The following ADRB1 variants were observed in gnomAD, a reference collection of about 807,000 sequenced individuals.
The protein encoded by ADRB1 is adrenoceptor beta 1.
For synonymous variants in ADRB1, 365 were observed against 347.2 expected (o/e 1.05, Z -0.57); for missense variants, 635 against 709.1 (o/e 0.90, Z 1.19).
chr10:114,045,039 A>G lies in ADRB1; in HGVS notation c.907A>G (p.Asn303Asp). The G allele has an allele frequency of 3.2e-6, 4 of 1,250,110 alleles. No homozygotes were observed. The highest frequency in any genetic ancestry group is 4.1e-6 in the Non-Finnish European group (4 of 986,094). 77.4% of individuals were successfully genotyped at this position (1,250,110 alleles called of 1,614,324 possible). A position where few individuals can be genotyped will look rare whatever the true frequency, so the allele number is the denominator to read the frequency against. The change falls in exon 1 of 1, where the codon AAC becomes GAC. Residue 303 changes from asparagine to aspartate, a missense_variant. By Grantham distance (23) the Asn-to-Asp change is conservative (BLOSUM62 1). Coordinates refer to ENST00000369295, the MANE Select transcript of ADRB1 (RefSeq NM_000684.3). The stretch of plus-strand genomic sequence containing the variant: ...CGCCGCCGCCACCGCCCCGCTGGCC[A>G]ACGGGCGTGCGGGTAAGCGGCGGCC... ...AAAAATAPLA[N>D]GRAGKRRPSR... is the part of the protein sequence containing the mutation.
rs1450844244 is a variant in ADRB1 at position 114,046,804 on chromosome 10, T to G, written c.*1238T>G. 4 of 167,186 alleles carry G rather than the reference T, an allele frequency of 2.4e-5. No individual in the cohort carries two copies. Among genetic ancestry groups the G allele is most frequent in the South Asian group, 2.1e-4 (1 of 4,830 alleles). The allele number at this position is 167,186 out of a possible 1,614,324, so 10.4% of individuals were successfully genotyped here. A position where few individuals can be genotyped will look rare whatever the true frequency, so the allele number is the denominator to read the frequency against. ...TGAAAGTTAGCACTTGTGTGTAAATTCTACTTCCTCTTGTGTGTTTTACCA... is the reference window on the plus strand; with the variant it reads ...TGAAAGTTAGCACTTGTGTGTAAATGCTACTTCCTCTTGTGTGTTTTACCA... On this transcript the variant is annotated 3_prime_UTR_variant, in exon 1 of 1. Transcript: ENST00000369295.
Position 114,045,155 on chromosome 10 carries a change from C to T in ADRB1, c.1023C>T (p.Phe341=). 6.3e-7 allele frequency: 1 copy of T among 1,597,186 alleles called. No homozygotes were observed. Among genetic ancestry groups the T allele is most frequent in the Non-Finnish European group, 8.5e-7 (1 of 1,172,160 alleles). ...TCACGCTCTGCTGGCTGCCCTTCTT[C>T]CTGGCCAACGTGGTGAAGGCCTTCC... The part of the protein sequence containing the change: ...GVFTLCWLPF[F]LANVVKAFHR... The change falls in exon 1 of 1, where the codon TTC becomes TTT. Residue 341 remains phenylalanine (F), a synonymous_variant. Transcript: ENST00000369295.
Position 114,045,340 on chromosome 10 carries a change from C to A in ADRB1, c.1208C>A (p.Ala403Glu). The A allele has an allele frequency of 6.6e-7, 1 of 1,509,810 alleles. No homozygotes were observed. The highest frequency in any genetic ancestry group is 8.9e-7 in the Non-Finnish European group (1 of 1,123,888). The allele number at this position is 1,509,810 out of a possible 1,614,324, so 93.5% of individuals were successfully genotyped here. A position where few individuals can be genotyped will look rare whatever the true frequency, so the allele number is the denominator to read the frequency against. ...CGCAGGGCTGCCCGCCGGCGCCACGCGACCCACGGAGACCGGCCGCGCGCC... is the reference window on the plus strand; with the variant it reads ...CGCAGGGCTGCCCGCCGGCGCCACGAGACCCACGGAGACCGGCCGCGCGCC... Reference protein sequence around the residue: ...CARRAARRRHATHGDRPRASG... With the variant: ...CARRAARRRHETHGDRPRASG... The change falls in exon 1 of 1, where the codon GCG becomes GAG. Residue 403 changes from alanine to glutamate, a missense_variant. Transcript: ENST00000369295.
rs17875477 is a variant in ADRB1, at chr10:114,045,974, C to T, written c.*408C>T. 631 of 169,950 alleles carry T rather than the reference C, an allele frequency of 3.7e-3. 1 individual carries two copies. The highest frequency in any genetic ancestry group is 6.4e-3 in the Non-Finnish European group (453 of 70,248). 10.5% of individuals were successfully genotyped at this position (169,950 alleles called of 1,614,324 possible). On this transcript the variant is annotated 3_prime_UTR_variant, in exon 1 of 1. Transcript: ENST00000369295. The stretch of plus-strand genomic sequence containing the variant: ...AGAAGCATTAGGAGGGGATTAAAAT[C>T]GATCATCGTGGCTCCCATCCCTTTC...
At position 114,044,079 on chromosome 10, in the gene ADRB1, C is replaced by T; in HGVS notation, c.-54C>T. 8.2e-7 allele frequency: 1 copy of T among 1,220,752 alleles called. No homozygotes were observed. The highest frequency in any genetic ancestry group is 1.0e-6 in the Non-Finnish European group (1 of 982,170). 75.6% of individuals were successfully genotyped at this position (1,220,752 alleles called of 1,614,324 possible). On this transcript the variant is annotated 5_prime_UTR_variant, in exon 1 of 1. Transcript: ENST00000369295. The surrounding 1 kb of genome is among the most constrained non-coding windows in gnomAD (Gnocchi z 7.8). Reference sequence around the variant, plus strand: ...GCCGCCCGGGCTTCTGGGGTGTTCCCCAACCACGGCCCAGCCCTGCCACAC... The same window carrying T: ...GCCGCCCGGGCTTCTGGGGTGTTCCTCAACCACGGCCCAGCCCTGCCACAC...
Position 114,044,165 on chromosome 10 carries a change from C to T in ADRB1, c.33C>T (p.Ser11=). 7.4e-7 allele frequency: 1 copy of T among 1,348,840 alleles called. No homozygotes were observed. The highest frequency in any genetic ancestry group is 9.4e-7 in the Non-Finnish European group (1 of 1,061,206). The allele number at this position is 1,348,840 out of a possible 1,614,324, so 83.6% of individuals were successfully genotyped here. The change falls in exon 1 of 1, where the codon TCC becomes TCT. Residue 11 remains serine, a synonymous_variant. Transcript: ENST00000369295. This position sits in a 1 kb window ranked among gnomAD's most constrained non-coding sequence, Gnocchi z 7.8. MGAGVLVLGA[S]EPGNLSSAAP... is the part of the protein sequence containing the mutation. ...CGGGGGTGCTCGTCCTGGGCGCCTC[C>T]GAGCCCGGTAACCTGTCGTCGGCCG...
At position 114,045,227 on chromosome 10, in the gene ADRB1, G is replaced by T. The variant is rs1302500117; in HGVS notation, c.1095G>T (p.Leu365=). The T allele has an allele frequency of 6.3e-7, 1 of 1,598,282 alleles. No individual in the cohort carries two copies. Among genetic ancestry groups the T allele is most frequent in the South Asian group, 1.1e-5 (1 of 89,632 alleles). Residue 365 remains leucine (L), a synonymous_variant, in exon 1 of 1, where the codon CTG becomes CTT. Transcript: ENST00000369295. ...PDRLFVFFNW[L]GYANSAFNPI... ...GCCTCTTCGTCTTCTTCAACTGGCT[G>T]GGCTACGCCAACTCGGCCTTCAACC...
Position 114,044,466 on chromosome 10 carries a change from GT to G in ADRB1, c.335del (p.Val112GlyfsTer31). On this transcript the variant is annotated frameshift_variant, in exon 1 of 1. Coordinates refer to ENST00000369295, the MANE Select transcript of ADRB1 (RefSeq NM_000684.3). LOFTEE classifies it low-confidence loss of function (END_TRUNC). This position sits in a 1 kb window ranked among gnomAD's most constrained non-coding sequence, Gnocchi z 7.8. ...CGACCTGGTCATGGGGCTGCTGGTG[GT>G]GCCGTTCGGGGCCACCATCGTGGTG... Reference protein sequence around the residue: ...SADLVMGLLVVPFGATIVVWG... With the variant: ...SADLVMGLLVXPFGATIVVWG... The G allele has an allele frequency of 6.2e-7, 1 of 1,613,430 alleles. No individual in the cohort carries two copies. The highest frequency in any genetic ancestry group is 8.5e-7 in the Non-Finnish European group (1 of 1,179,976).
Position 114,045,515 on chromosome 10 carries a change from G to A in ADRB1, c.1383G>A (p.Ser461=). The A allele has an allele frequency of 1.5e-6, 2 of 1,296,808 alleles. No homozygotes were observed. Among genetic ancestry groups the A allele is most frequent in the South Asian group, 2.6e-5 (1 of 38,582 alleles). The allele number at this position is 1,296,808 out of a possible 1,614,324, so 80.3% of individuals were successfully genotyped here. A position where few individuals can be genotyped will look rare whatever the true frequency, so the allele number is the denominator to read the frequency against. Residue 461 remains serine, a synonymous_variant, in exon 1 of 1, where the codon TCG becomes TCA. Coordinates refer to ENST00000369295, the MANE Select transcript of ADRB1 (RefSeq NM_000684.3). ...CNGGAAADSD[S]SLDEPCRPGF... ...GCGGGGCGGCGGCGGACAGCGACTC[G>A]AGCCTGGACGAGCCGTGCCGCCCCG...
At position 114,045,008 on chromosome 10, in the gene ADRB1, C is replaced by T. The variant is rs1847539887; in HGVS notation, c.876C>T (p.Pro292=). The part of the protein sequence containing the change: ...APAPPPGPPR[P]AAAAATAPLA... The stretch of plus-strand genomic sequence containing the variant: ...CGCCGCCGCCCGGACCCCCGCGCCC[C>T]GCCGCCGCCGCCGCCACCGCCCCGC... The change falls in exon 1 of 1, where the codon CCC becomes CCT. Residue 292 remains proline, a synonymous_variant. Coordinates refer to ENST00000369295, the MANE Select transcript of ADRB1 (RefSeq NM_000684.3). The T allele has an allele frequency of 2.9e-6, 3 of 1,037,068 alleles. No homozygotes were observed. The highest frequency in any genetic ancestry group is 3.5e-6 in the Non-Finnish European group (3 of 857,370). The allele number at this position is 1,037,068 out of a possible 1,614,324, so 64.2% of individuals were successfully genotyped here.
rs950910403 is a variant in ADRB1, at chr10:114,046,266, A to T, written c.*700A>T. 1 of 167,120 alleles carries T rather than the reference A, an allele frequency of 6.0e-6. No individual in the cohort carries two copies. The highest frequency in any genetic ancestry group is 2.4e-5 in the African/African-American group (1 of 41,452). The allele number at this position is 167,120 out of a possible 1,614,324, so 10.4% of individuals were successfully genotyped here. On this transcript the variant is annotated 3_prime_UTR_variant, in exon 1 of 1. Coordinates refer to ENST00000369295, the MANE Select transcript of ADRB1 (RefSeq NM_000684.3). ...CGCGCCTGGGTGGTCAGGCTGAGGG[A>T]TTTCTACCTCACACTGTGCATTTGC... is the stretch of plus-strand genomic sequence containing the variant.
chr10:114,045,246 TTCA>T lies in ADRB1; in HGVS notation c.1115_1117del (p.Phe372_Asn373delinsTyr). The T allele has an allele frequency of 6.3e-7, 1 of 1,598,734 alleles. No individual in the cohort carries two copies. Among genetic ancestry groups the T allele is most frequent in the South Asian group, 1.1e-5 (1 of 89,722 alleles). On this transcript the variant is annotated inframe_deletion, in exon 1 of 1. Coordinates refer to ENST00000369295, the MANE Select transcript of ADRB1 (RefSeq NM_000684.3). ...CTGGCTGGGCTACGCCAACTCGGCC[TTCA>T]ACCCCATCATCTACTGCCGCAGCCC...
Position 114,043,908 on chromosome 10 carries a change from C to T in ADRB1, c.-225C>T. On this transcript the variant is annotated 5_prime_UTR_variant, in exon 1 of 1. Transcript: ENST00000369295. ...CCGGCGGCTCTTCCAGCAGCGGCAG[C>T]GGCTCCAGCAGCAGCGGCGGCGGCG... 4.5e-6 allele frequency: 1 copy of T among 221,190 alleles called. No homozygotes were observed. The highest frequency in any genetic ancestry group is 8.4e-6 in the Non-Finnish European group (1 of 119,248). 13.7% of individuals were successfully genotyped at this position (221,190 alleles called of 1,614,324 possible).
Position 114,045,659 on chromosome 10 carries a change from C to A in ADRB1, c.*93C>A. On this transcript the variant is annotated 3_prime_UTR_variant, in exon 1 of 1. Transcript: ENST00000369295. Reference sequence around the variant, plus strand: ...AGACCGATAGCAGGTGAACTCGAAGCCCACAATCCTCGTCTGAATCATCCG... The same window carrying A: ...AGACCGATAGCAGGTGAACTCGAAGACCACAATCCTCGTCTGAATCATCCG... 2 of 1,141,720 alleles carry A rather than the reference C, an allele frequency of 1.8e-6. No individual in the cohort carries two copies. Among genetic ancestry groups the A allele is most frequent in the Non-Finnish European group, 1.1e-6 (1 of 893,680 alleles). 70.7% of individuals were successfully genotyped at this position (1,141,720 alleles called of 1,614,324 possible).
At position 114,045,797 on chromosome 10, in the gene ADRB1, CTTCTT is replaced by C. The variant is rs1431042104; in HGVS notation, c.*234_*238del. ...TTTTTTTTCTTTTCTTTTCTTTCTT[CTTCTT>C]TTTTTTTTTTTTTTTTTTTTCTGTT... On this transcript the variant is annotated 3_prime_UTR_variant, in exon 1 of 1. Transcript: ENST00000369295. The C allele has an allele frequency of 1.9e-3, 339 of 180,602 alleles. No homozygotes were observed. The highest frequency in any genetic ancestry group is 8.0e-3 in the Admixed American group (75 of 9,408). 11.2% of individuals were successfully genotyped at this position (180,602 alleles called of 1,614,324 possible).
chr10:114,044,237 C>T lies in ADRB1; in HGVS notation c.105C>T (p.Pro35=), dbSNP rs35476499. The T allele has an allele frequency of 2.1e-6, 3 of 1,453,282 alleles. No homozygotes were observed. The highest frequency in any genetic ancestry group is 5.4e-5 in the Admixed American group (2 of 37,052). The allele number at this position is 1,453,282 out of a possible 1,614,324, so 90.0% of individuals were successfully genotyped here. Residue 35 remains proline (P), a synonymous_variant, in exon 1 of 1, where the codon CCC becomes CCT. Transcript: ENST00000369295. This position sits in a 1 kb window ranked among gnomAD's most constrained non-coding sequence, Gnocchi z 7.8. ...GAATAARLLV[P]ASPPASLLPP... is the part of the protein sequence containing the mutation. ...CCACCGCGGCGCGGCTGCTGGTGCCCGCGTCGCCGCCCGCCTCGTTGCTGC... is the reference window on the plus strand; with the variant it reads ...CCACCGCGGCGCGGCTGCTGGTGCCTGCGTCGCCGCCCGCCTCGTTGCTGC...
rs1847545048 is a variant in ADRB1 at position 114,045,242 on chromosome 10, G to T, written c.1110G>T (p.Ser370=). ...TCAACTGGCTGGGCTACGCCAACTC[G>T]GCCTTCAACCCCATCATCTACTGCC... ...VFFNWLGYAN[S]AFNPIIYCRS... is the part of the protein sequence containing the mutation. The change falls in exon 1 of 1, where the codon TCG becomes TCT. Residue 370 remains serine (S), a synonymous_variant. Transcript: ENST00000369295. 6.3e-7 allele frequency: 1 copy of T among 1,599,764 alleles called. No individual in the cohort carries two copies. The highest frequency in any genetic ancestry group is 1.3e-5 in the African/African-American group (1 of 74,156).
chr10:114,044,895 G>A lies in ADRB1; in HGVS notation c.763G>A (p.Val255Met). 1 of 1,606,434 alleles carries A rather than the reference G, an allele frequency of 6.2e-7. No homozygotes were observed. Among genetic ancestry groups the A allele is most frequent in the Non-Finnish European group, 8.5e-7 (1 of 1,175,224 alleles). The part of the protein sequence containing the change: ...LRVFREAQKQ[V>M]KKIDSCERRF... ...GGTGTTCCGCGAGGCCCAGAAGCAGGTGAAGAAGATCGACAGCTGCGAGCG... is the reference window on the plus strand; with the variant it reads ...GGTGTTCCGCGAGGCCCAGAAGCAGATGAAGAAGATCGACAGCTGCGAGCG... Residue 255 changes from valine to methionine, a missense_variant, in exon 1 of 1, where the codon GTG becomes ATG. Transcript: ENST00000369295. This position sits in a 1 kb window ranked among gnomAD's most constrained non-coding sequence, Gnocchi z 7.8.
rs763615545 is a variant in ADRB1, at chr10:114,044,305, C to T, written c.173C>T (p.Thr58Ile). The T allele has an allele frequency of 9.4e-6, 15 of 1,595,534 alleles. No individual in the cohort carries two copies. In the Admixed American group the frequency reaches 1.9e-4, roughly 20 times the overall value. The change falls in exon 1 of 1, where the codon ACA becomes ATA. Residue 58 changes from threonine (T) to isoleucine (I), a missense_variant. By Grantham distance (89) the Thr-to-Ile change is moderately conservative (BLOSUM62 -1). Transcript: ENST00000369295. This position sits in a 1 kb window ranked among gnomAD's most constrained non-coding sequence, Gnocchi z 7.8. ...ESPEPLSQQWTAGMGLLMALI... is the reference protein window; with the variant it reads ...ESPEPLSQQWIAGMGLLMALI... Reference sequence around the variant, plus strand: ...CCCGAGCCGCTGTCTCAGCAGTGGACAGCGGGCATGGGTCTGCTGATGGCG... The same window carrying T: ...CCCGAGCCGCTGTCTCAGCAGTGGATAGCGGGCATGGGTCTGCTGATGGCG...
Sources: allele counts gnomAD v4.1 joint callset, GRCh38; gene constraint gnomAD v4.1.1; non-coding constraint Gnocchi (gnomAD v3.1); transcripts MANE v1.5; gene names NCBI Gene and HGNC (gene_info 2026-07-23, HGNC 2026-07-21).